Variants in MATN2 observed in about 807,000 individuals in gnomAD.
The protein encoded by MATN2 is matrilin-2.
Under a neutral mutation model 103.2 loss-of-function variants are expected in MATN2, and 69 were observed. The observed-to-expected ratio is 0.67, with a 90% confidence interval of 0.55 to 0.82. MATN2 has a LOEUF of 0.82. Among genes scored for constraint, MATN2 ranks in the 40% least tolerant of loss-of-function variants. The pLI, the probability that MATN2 is intolerant of heterozygous loss-of-function variation, is 0.00. For synonymous variants in MATN2, 429 were observed against 450.2 expected, an observed-to-expected ratio of 0.95 and a Z score of 0.60; for missense variants, 1,023 against 1,211.5, an observed-to-expected ratio of 0.84 and a Z score of 2.31.
intron 13 of MATN2, among the ~76,000 whole-genome samples, chr8:98,024,520 C>T (rs1260584657): frequency 6.6e-6 from 1 of 152,046 alleles, no homozygotes; most frequent in East Asian, 1.9e-4. Context: ...ACAACAACAA[C>T]AACAACAAAC....
At chr8:97,994,391 T>G (rs1310180577) in intron 6 of MATN2, 89 bp from the exon 7 acceptor site, 1 of 1,426,504 alleles carries the variant, frequency 7.0e-7, no homozygotes. Flanking sequence ...TTTTACCTGT[T>G]TGGGAAAATG....
chr8:97,977,007 C>T (rs1286008168), intron 5 of MATN2, among the ~76,000 whole-genome samples: 2 of 151,850 alleles, frequency 1.3e-5, no homozygotes, highest in African/African-American at 4.8e-5. Flanking sequence ...AGGCTGAGGC[C>T]AGTGGATCTC....
At chr8:97,930,931 T>C in intron 2 of MATN2, 22 bp from the exon 3 acceptor site, 1 of 1,567,462 alleles carries the variant, frequency 6.4e-7, no homozygotes. Flanking sequence ...TCTAATGTAT[T>C]TGACCTCTCC....
At chr8:97,886,583 T>C (rs1818435260) in intron 1 of MATN2, among the ~76,000 whole-genome samples, 2 of 152,200 alleles carry the variant, frequency 1.3e-5, no homozygotes, top group African/African-American at 2.4e-5. Context: ...TCTTAATGCA[T>C]AGTAAAATTA....
intron 3 of MATN2, among the ~76,000 whole-genome samples, chr8:97,938,786 G>T (rs1291526459): frequency 6.6e-6 from 1 of 152,154 alleles, no homozygotes; most frequent in Non-Finnish European, 1.5e-5. Context: ...TATAGGGTTA[G>T]GTTCCTGCAA....
At chr8:97,953,698 G>A (rs1344810413) in intron 4 of MATN2, among the ~76,000 whole-genome samples, 1 of 151,416 alleles carries the variant, frequency 6.6e-6, no homozygotes, top group African/African-American at 2.4e-5. Flanking sequence ...ACTGAGGCAT[G>A]AGAATCGCTT....
chr8:97,945,715 A>C (rs141341503), intron 4 of MATN2, among the ~76,000 whole-genome samples: 2 of 71,772 alleles, frequency 2.8e-5, no homozygotes, highest in African/African-American at 1.2e-4. Flanking sequence ...GAAAAAAAAA[A>C]AAATATATAT....
At chr8:97,910,053 G>A (rs1255499475) in intron 2 of MATN2, among the ~76,000 whole-genome samples, 13 of 150,930 alleles carry the variant, frequency 8.6e-5, no homozygotes, top group Admixed American at 2.0e-4. Context: ...AAAGTGCTGG[G>A]ATTACAGGCG....
chr8:97,968,451 C>T (rs1811554238), intron 5 of MATN2, among the ~76,000 whole-genome samples: 1 of 152,230 alleles, frequency 6.6e-6, no homozygotes, highest in South Asian at 2.1e-4. Flanking sequence ...TTCTGCTTCC[C>T]TTTTACATAT....
At chr8:97,900,568 G>C (rs555846071) in intron 2 of MATN2, among the ~76,000 whole-genome samples, 2 of 152,146 alleles carry the variant, frequency 1.3e-5, no homozygotes, top group Non-Finnish European at 2.9e-5. Context: ...TTCCATCTCC[G>C]GCTCTTAATC....
intron 2 of MATN2, among the ~76,000 whole-genome samples, chr8:97,895,152 C>T (rs534319121): frequency 6.6e-6 from 1 of 152,270 alleles, no homozygotes; most frequent in East Asian, 1.9e-4. Context: ...GAATTACAGG[C>T]GTGAGCCACC....
intron 2 of MATN2, among the ~76,000 whole-genome samples, chr8:97,901,253 CT>C (rs772360832): frequency 4.0e-4 from 59 of 148,412 alleles, no homozygotes; most frequent in African/African-American, 7.4e-4. Flanking sequence ...TTCTGATACA[CT>C]TTTTTTTTTT....
intron 2 of MATN2, among the ~76,000 whole-genome samples, chr8:97,928,681 G>T (rs1004485803): frequency 6.6e-6 from 1 of 152,140 alleles, no homozygotes. Flanking sequence ...CCCAGCCTGG[G>T]GCTGGACACG....
At chr8:97,987,695 C>A (rs185364195) in intron 6 of MATN2, among the ~76,000 whole-genome samples, 549 of 152,232 alleles carry the variant, frequency 3.6e-3, no homozygotes, top group Middle Eastern at 0.017. Context: ...GACTGTGCCT[C>A]TTTGTTCAAC....
At chr8:97,873,097 A>G (rs1817953869) in intron 1 of MATN2, among the ~76,000 whole-genome samples, 2 of 152,206 alleles carry the variant, frequency 1.3e-5, no homozygotes, top group Admixed American at 6.5e-5. Context: ...CACCCGGCCC[A>G]AAGTCCCTTT....
intron 13 of MATN2, among the ~76,000 whole-genome samples, chr8:98,024,032 G>A (rs949987444): frequency 6.6e-6 from 1 of 152,080 alleles, no homozygotes; most frequent in Non-Finnish European, 1.5e-5. Flanking sequence ...ACACACCGGG[G>A]CCTGTTGGGG....
intron 2 of MATN2, among the ~76,000 whole-genome samples, chr8:97,910,559 G>A (rs962649708): frequency 2.0e-5 from 3 of 152,178 alleles, no homozygotes; most frequent in African/African-American, 7.2e-5. Context: ...ACAGTACCAG[G>A]TTGCTGGGAA....
In MATN2 at chr8:97,974,473, G is replaced by A. The variant is rs187568831; in HGVS notation, c.959-4413G>A. 5.2e-3 allele frequency among the ~76,000 whole-genome samples: 769 copies of A among 148,042 alleles called. 11 individuals carry two copies. Among genetic ancestry groups the A allele is most frequent in the African/African-American group, 0.017 (699 of 40,044 alleles). On this transcript the variant is annotated intron_variant, in intron 5 of 18. Transcript: ENST00000254898. ...TGTTTTGTTTTGTTTTTGAGATGTA[G>A]TCTCACACTGTCGCCCAGGCTGGAA...
chr8:97,894,836 TG>T (rs1224996731), intron 2 of MATN2, among the ~76,000 whole-genome samples: 2 of 152,142 alleles, frequency 1.3e-5, no homozygotes, highest in Non-Finnish European at 2.9e-5. Flanking sequence ...TGCTCTGTGT[TG>T]CTAATGGAAA....
Sources: allele counts gnomAD v4.1 joint callset (sites outside exome capture counted in the v4.1 genomes callset), GRCh38; gene constraint gnomAD v4.1.1; transcripts MANE v1.5; gene names NCBI Gene and HGNC (gene_info 2026-07-23, HGNC 2026-07-21).